Variants in NCKAP5 observed in about 807,000 individuals in gnomAD.
NCKAP5 encodes nck-associated protein 5.
Under a neutral mutation model 167.0 loss-of-function variants are expected in NCKAP5, and 92 were observed. The observed-to-expected ratio is 0.55, with a 90% CI of 0.47 to 0.66. NCKAP5 has a LOEUF of 0.66. Ranked by LOEUF, NCKAP5 falls within the 30% of genes least tolerant of loss-of-function variation. The pLI, the probability that NCKAP5 is intolerant of heterozygous loss-of-function variation, is 0.00. For synonymous variants in NCKAP5, 891 were observed against 877.4 expected (o/e 1.02, Z -0.27); for missense variants, 2,378 against 2,315.0 (o/e 1.03, Z -0.56).
At position 132,785,507 on chromosome 2, in the gene NCKAP5, C is replaced by T; in HGVS notation, c.1304G>A (p.Gly435Glu). ...ACTTTTAATTCCAGGAGAATATATT[C>T]CTTCATTCGAGTTCATGCAATCTTT... ...GYKDCMNSNE[G>E]IYSPGIKSSS... Residue 435 changes from glycine (G) to glutamate (E), a missense_variant, in exon 14 of 20, where the codon GGA becomes GAA. By Grantham distance (98) the Gly-to-Glu change is moderately conservative. This residue lies in a region of NCKAP5 where 1,049 missense variants were observed against 1,023.4 expected (regional missense o/e 1.02). Coordinates refer to ENST00000409261, the MANE Select transcript of NCKAP5 (RefSeq NM_207363.3). 2 of 1,611,852 alleles carry T rather than the reference C, an allele frequency of 1.2e-6. No homozygotes were observed. Among genetic ancestry groups the T allele is most frequent in the Non-Finnish European group, 1.7e-6 (2 of 1,178,852 alleles).
chr2:133,635,656 G>T, the NCKAP5 span, among the ~76,000 whole-genome samples: 1 of 152,078 alleles, frequency 6.6e-6, no homozygotes, highest in Non-Finnish European at 1.5e-5. Context: ...AACTTCTAAA[G>T]ACAAGCAACT....
intron 6 of NCKAP5, among the ~76,000 whole-genome samples, chr2:133,059,904 T>C (rs536214433): frequency 2.6e-5 from 4 of 151,966 alleles, no homozygotes; most frequent in Admixed American, 6.6e-5. Context: ...GAAATGACTG[T>C]TTTACTTTGA....
At chr2:132,977,908 A>C (rs141597349) in intron 7 of NCKAP5, among the ~76,000 whole-genome samples, 1 of 152,282 alleles carries the variant, frequency 6.6e-6, no homozygotes, top group East Asian at 1.9e-4. Flanking sequence ...CTAACCCCTC[A>C]AAGTGGCAGG....
In NCKAP5 at chr2:133,213,559, G is replaced by A. The variant is rs116090846; in HGVS notation, c.207+157C>T. ...TCTCACTCTGATGGCAAATGGCAGA[G>A]CTGTATAAATTCTATTATAAATACA... On this transcript the variant is annotated intron_variant, in intron 5 of 19. Coordinates refer to ENST00000409261, the MANE Select transcript of NCKAP5 (RefSeq NM_207363.3). Among the ~76,000 whole-genome samples the A allele has an allele frequency of 3.0e-3, 455 of 152,202 alleles. 1 individual carries two copies. The highest frequency in any genetic ancestry group is 0.01 in the African/African-American group (427 of 41,514).
At chr2:132,892,494 G>A (rs1167242772) in intron 8 of NCKAP5, among the ~76,000 whole-genome samples, 1 of 152,138 alleles carries the variant, frequency 6.6e-6, no homozygotes, top group Non-Finnish European at 1.5e-5. Context: ...GACTAGAGTG[G>A]ATTTTTCGGT....
the NCKAP5 span, among the ~76,000 whole-genome samples, chr2:133,581,892 G>A: frequency 6.6e-6 from 1 of 152,184 alleles, no homozygotes; most frequent in Non-Finnish European, 1.5e-5. Flanking sequence ...TCTTTCAATA[G>A]TAGTAGGCAT....
At chr2:132,781,376 T>G in intron 14 of NCKAP5, 147 bp from the exon 15 acceptor site, 1 of 636,934 alleles carries the variant, frequency 1.6e-6, no homozygotes, top group South Asian at 2.8e-5. Context: ...TCATGGGCCT[T>G]GATCAAATCT....
chr2:133,658,201 G>C, the NCKAP5 span, among the ~76,000 whole-genome samples: 1 of 151,448 alleles, frequency 6.6e-6, no homozygotes, highest in Non-Finnish European at 1.5e-5. Flanking sequence ...CTTAAGGTTA[G>C]AAATGGGCCG....
At position 132,785,669 on chromosome 2, in the gene NCKAP5, G is replaced by A. The variant is rs1325029296; in HGVS notation, c.1142C>T (p.Pro381Leu). 6 of 1,513,146 alleles carry A rather than the reference G, an allele frequency of 4.0e-6. No individual in the cohort carries two copies. The South Asian group carries it at 6.8e-5, about 17-fold the overall frequency. 93.7% of individuals were successfully genotyped at this position (1,513,146 alleles called of 1,614,324 possible). A position where few individuals can be genotyped will look rare whatever the true frequency, so the allele number is the denominator to read the frequency against. The change falls in exon 14 of 20, where the codon CCA becomes CTA. Residue 381 changes from proline to leucine, a missense_variant. Transcript: ENST00000409261. ...DKRLSIDSSL[P>L]SGFASPTNEL... ...ATTTGTAGGACTAGCAAAGCCACTT[G>A]GGAGCGAAGAATCAATACTTAGCCT...
At chr2:133,210,594 T>G (rs900763334) in intron 5 of NCKAP5, among the ~76,000 whole-genome samples, 2 of 152,098 alleles carry the variant, frequency 1.3e-5, no homozygotes, top group African/African-American at 4.8e-5. Context: ...ATTTAAAGGA[T>G]TAATAGAACA....
chr2:133,603,889 T>A, the NCKAP5 span, among the ~76,000 whole-genome samples: 2 of 152,200 alleles, frequency 1.3e-5, no homozygotes, highest in Non-Finnish European at 2.9e-5. Context: ...TGTTCTGATC[T>A]CTTAGCAACC....
intron 11 of NCKAP5, among the ~76,000 whole-genome samples, chr2:132,858,501 T>G (rs1444845316): frequency 6.6e-6 from 1 of 152,208 alleles, no homozygotes; most frequent in Non-Finnish European, 1.5e-5. Context: ...AACCCTAAAG[T>G]ACTATCAGAA....
At chr2:133,082,331 G>A (rs1290306218) in intron 6 of NCKAP5, among the ~76,000 whole-genome samples, 1 of 152,142 alleles carries the variant, frequency 6.6e-6, no homozygotes, top group African/African-American at 2.4e-5. Flanking sequence ...TGATTTTTCT[G>A]TTGACACACA....
chr2:133,593,988 T>A, the NCKAP5 span, among the ~76,000 whole-genome samples: 1 of 152,198 alleles, frequency 6.6e-6, no homozygotes, highest in African/African-American at 2.4e-5. Context: ...AGGTGGAGCC[T>A]CCTAGAGAGA....
chr2:133,050,996 T>G (rs2079584755), intron 6 of NCKAP5, among the ~76,000 whole-genome samples: 1 of 152,234 alleles, frequency 6.6e-6, no homozygotes, highest in African/African-American at 2.4e-5. Context: ...TCATTAAAAT[T>G]TAGAGAACTT....
intron 3 of NCKAP5, among the ~76,000 whole-genome samples, chr2:133,481,117 G>A (rs1431305210): frequency 1.3e-5 from 2 of 152,176 alleles, no homozygotes; most frequent in Non-Finnish European, 2.9e-5. Flanking sequence ...CTAAATGTCA[G>A]TGTGGCTATT....
chr2:132,923,025 T>A (rs1299732853), intron 8 of NCKAP5, among the ~76,000 whole-genome samples: 1 of 152,174 alleles, frequency 6.6e-6, no homozygotes, highest in African/African-American at 2.4e-5. Flanking sequence ...TTTTTTAGCA[T>A]CTCCTTCATG....
intron 6 of NCKAP5, among the ~76,000 whole-genome samples, chr2:133,069,447 C>T (rs555029790): frequency 2.6e-5 from 4 of 152,276 alleles, no homozygotes; most frequent in Admixed American, 1.3e-4. Flanking sequence ...TTACATGTTC[C>T]GGACTTTCCC....
chr2:133,085,507 T>C (rs2080957839), intron 6 of NCKAP5, among the ~76,000 whole-genome samples: 1 of 152,052 alleles, frequency 6.6e-6, no homozygotes, highest in Non-Finnish European at 1.5e-5. Flanking sequence ...TTCTGGGTAA[T>C]GGGATTGACT....
Sources: allele counts gnomAD v4.1 joint callset (sites outside exome capture counted in the v4.1 genomes callset), GRCh38; gene constraint gnomAD v4.1.1; regional missense constraint gnomAD v4.1.1; transcripts MANE v1.5; gene names NCBI Gene and HGNC (gene_info 2026-07-23, HGNC 2026-07-21).